The following FSD1 variants were observed in gnomAD, a reference collection of about 807,000 sequenced individuals.
FSD1 encodes fibronectin type III and SPRY domain-containing protein 1.
FSD1 carries 23 observed loss-of-function variants against 58.2 expected under a neutral mutation model. That is an observed-to-expected ratio of 0.40 (90% CI 0.28 to 0.56). The LOEUF (loss-of-function observed/expected upper bound fraction) is 0.56. FSD1 is among the 20% of genes least tolerant of loss of function. The pLI, the probability that FSD1 is intolerant of heterozygous loss-of-function variation, is 0.54. For missense variants in FSD1, 563 were observed against 670.8 expected (o/e 0.84, Z 1.78); for synonymous variants, 265 against 263.4 (o/e 1.01, Z -0.06).
chr19:4,317,946 G>C (rs1189185477), intron 8 of FSD1, among the ~76,000 whole-genome samples: 1 of 152,186 alleles, frequency 6.6e-6, no homozygotes, highest in Non-Finnish European at 1.5e-5. Context: ...GAACCCAGGA[G>C]GCGGAGGTTG....
At chr19:4,310,696 G>T (rs1469023547) in intron 6 of FSD1, 100 bp downstream of exon 6, 1 of 1,373,214 alleles carries the variant, frequency 7.3e-7, no homozygotes, top group East Asian at 2.3e-5. Flanking sequence ...ACGACCCGGT[G>T]TCTGAATTCC....
intron 3 of FSD1, among the ~76,000 whole-genome samples, chr19:4,307,390 G>A (rs1027726537): frequency 6.6e-6 from 1 of 151,470 alleles, no homozygotes; most frequent in South Asian, 2.1e-4. Flanking sequence ...TTGTTTTTGA[G>A]ATGGAGTCTC....
chr19:4,304,617 A>G lies in FSD1; in HGVS notation c.-130A>G, dbSNP rs1371121787. The stretch of plus-strand genomic sequence containing the variant: ...GCCTGCGCAATGCGCGCGGTGATGG[A>G]GCGCTAACCGGGGGCGCGGCGGCGG... On this transcript the variant is annotated 5_prime_UTR_variant, in exon 1 of 13. Transcript: ENST00000221856. 1 of 475,484 alleles carries G rather than the reference A, an allele frequency of 2.1e-6. No individual in the cohort carries two copies. The highest frequency in any genetic ancestry group is 3.3e-6 in the Non-Finnish European group (1 of 301,958). The allele number at this position is 475,484 out of a possible 1,614,324, so 29.5% of individuals were successfully genotyped here. A position where few individuals can be genotyped will look rare whatever the true frequency, so the allele number is the denominator to read the frequency against.
intron 6 of FSD1, 33 bp downstream of exon 6, chr19:4,310,629 T>G (rs1857069058): frequency 3.8e-6 from 6 of 1,598,556 alleles, no homozygotes; most frequent in Non-Finnish European, 5.1e-6. Flanking sequence ...GGCCAGGACT[T>G]CCGGGGAATG....
intron 1 of FSD1, among the ~76,000 whole-genome samples, chr19:4,305,267 T>A (rs1323788342): frequency 7.4e-6 from 1 of 135,186 alleles, no homozygotes; most frequent in Non-Finnish European, 1.6e-5. Context: ...CCCGCATCCC[T>A]GGCCCCCAGG....
At position 4,323,355 on chromosome 19, in the gene FSD1, G is replaced by A. The variant is rs1428633198; in HGVS notation, c.1299G>A (p.Leu433=). 1.2e-6 allele frequency: 2 copies of A among 1,613,318 alleles called. No individual in the cohort carries two copies. Among genetic ancestry groups the A allele is most frequent in the African/African-American group, 2.7e-5 (2 of 74,790 alleles). The change falls in exon 12 of 13, where the codon CTG becomes CTA. Residue 433 remains leucine (L), a synonymous_variant. Transcript: ENST00000221856. This position sits in a 1 kb window ranked among gnomAD's most constrained non-coding sequence, Gnocchi z 7.7. ...TCTGCCCCCCGACCCCAGGCCTCCT[G>A]TCCTTCTACAATGCCCGCACCAAAC... ...GVHCDFHQGL[L]SFYNARTKQV...
chr19:4,308,323 G>A lies in FSD1; in HGVS notation c.345+340G>A, dbSNP rs1350163467. On this transcript the variant is annotated intron_variant, in intron 4 of 12. Transcript: ENST00000221856. ...CTTGGGAGGCTGAGGCGGGAGAATCGCTTGAACCTGGGAGGCAGAGGTTGC... is the reference window on the plus strand; with the variant it reads ...CTTGGGAGGCTGAGGCGGGAGAATCACTTGAACCTGGGAGGCAGAGGTTGC... Among the ~76,000 whole-genome samples, 9 of 152,230 alleles carry A rather than the reference G, an allele frequency of 5.9e-5. No individual in the cohort carries two copies. In the East Asian group the frequency reaches 7.7e-4, roughly 13 times the overall value.
chr19:4,308,063 G>A, intron 4 of FSD1, 80 bp downstream of exon 4: 1 of 1,122,918 alleles, frequency 8.9e-7, no homozygotes. Context: ...CACATTTTTA[G>A]TGTAAGTATA....
At position 4,323,216 on chromosome 19, in the gene FSD1, G is replaced by T; in HGVS notation, c.1270G>T (p.Val424Leu). The change falls in exon 11 of 13, where the codon GTG (valine) becomes TTG (leucine). Residue 424 changes from valine to leucine, a missense_variant. By Grantham distance (32) the Val-to-Leu change is conservative. Coordinates refer to ENST00000221856, the MANE Select transcript of FSD1 (RefSeq NM_024333.3). The surrounding 1 kb of genome is among the most constrained non-coding windows in gnomAD (Gnocchi z 7.7). ...CGCCCCCGTGCCCGACTGCCTGGGT[G>T]TGCACTGTGACTTCCACCAAGGTGA... is the stretch of plus-strand genomic sequence containing the variant. ...LDAPVPDCLGVHCDFHQGLLS... is the reference protein window; with the variant it reads ...LDAPVPDCLGLHCDFHQGLLS... 6.2e-7 allele frequency: 1 copy of T among 1,605,364 alleles called. No homozygotes were observed. Among genetic ancestry groups the T allele is most frequent in the East Asian group, 2.2e-5 (1 of 44,866 alleles).
rs937300398 is a variant in FSD1 at position 4,312,062 on chromosome 19, T to C, written c.700+11T>C. 1 of 1,591,890 alleles carries C rather than the reference T, an allele frequency of 6.3e-7. No individual in the cohort carries two copies. Among genetic ancestry groups the C allele is most frequent in the African/African-American group, 1.3e-5 (1 of 74,664 alleles). On this transcript the variant is annotated intron_variant, in intron 7 of 12. Transcript: ENST00000221856. ...AGTACACCCTGACAGGTAAGGGCAGTGTGTGCCAGCTCCGCCCAGCTGTGA... is the reference window on the plus strand; with the variant it reads ...AGTACACCCTGACAGGTAAGGGCAGCGTGTGCCAGCTCCGCCCAGCTGTGA...
At chr19:4,314,428 CCCA>C (rs1280485632) in intron 7 of FSD1, among the ~76,000 whole-genome samples, 8 of 151,822 alleles carry the variant, frequency 5.3e-5, no homozygotes, top group Admixed American at 2.6e-4. Context: ...ACAGTGAGGA[CCCA>C]TGTAGTCAGC....
In FSD1 at chr19:4,307,991, CCT is replaced by C; in HGVS notation, c.345+11_345+12del. On this transcript the variant is annotated intron_variant, in intron 4 of 12. Transcript: ENST00000221856. ...AGCGAGGACTTTCCTCAGGTGGGTGCCTCTGATGCTGCCAGGTAAAGAACAGT... is the reference window on the plus strand; with the variant it reads ...AGCGAGGACTTTCCTCAGGTGGGTGCCTGATGCTGCCAGGTAAAGAACAGT... 1.9e-6 allele frequency: 3 copies of C among 1,602,956 alleles called. No individual in the cohort carries two copies. Among genetic ancestry groups the C allele is most frequent in the Non-Finnish European group, 2.6e-6 (3 of 1,171,152 alleles).
In FSD1 at chr19:4,305,740, C is replaced by T. The variant is rs932442170; in HGVS notation, c.16-206C>T. Among the ~76,000 whole-genome samples the T allele has an allele frequency of 2.2e-4, 33 of 152,172 alleles. 1 individual carries two copies. Among genetic ancestry groups the T allele is most frequent in the Admixed American group, 1.5e-3 (23 of 15,268 alleles). ...CTCTCTGGATCCCTGGAGGGGAGCGCGGGTCAGGGAGCCTGGCCAGGCTGA... is the reference window on the plus strand; with the variant it reads ...CTCTCTGGATCCCTGGAGGGGAGCGTGGGTCAGGGAGCCTGGCCAGGCTGA... On this transcript the variant is annotated intron_variant, in intron 1 of 12. Transcript: ENST00000221856.
At chr19:4,318,727 G>T (rs759528306) in intron 9 of FSD1, 145 bp from the exon 10 acceptor site, 3 of 751,570 alleles carry the variant, frequency 4.0e-6, no homozygotes, top group Non-Finnish European at 7.0e-6. Context: ...TAAACATGAG[G>T]TGCTCGATAT....
chr19:4,305,854 G>A (rs1181401831), intron 1 of FSD1, 92 bp from the exon 2 acceptor site: 3 of 889,644 alleles, frequency 3.4e-6, no homozygotes, highest in Admixed American at 1.8e-5. Context: ...GTGCATGTGT[G>A]TGCACGTGTG....
intron 1 of FSD1, 94 bp from the exon 2 acceptor site, chr19:4,305,852 G>C: frequency 1.1e-6 from 1 of 872,746 alleles, no homozygotes; most frequent in Admixed American, 1.8e-5. Context: ...GTGTGCATGT[G>C]TGTGCACGTG....
intron 10 of FSD1, among the ~76,000 whole-genome samples, chr19:4,320,372 AG>A (rs1178280680): frequency 2.0e-5 from 3 of 152,032 alleles, no homozygotes; most frequent in Non-Finnish European, 2.9e-5. Flanking sequence ...GCTGGGAACT[AG>A]GGGGAGCATC....
chr19:4,321,660 C>T (rs73534872), intron 10 of FSD1, among the ~76,000 whole-genome samples: 6,012 of 149,358 alleles, frequency 0.04, 127 homozygotes, highest in Middle Eastern at 0.11. Flanking sequence ...ATTACTGGGG[C>T]CCAAGGAGTA....
At position 4,307,747 on chromosome 19, in the gene FSD1, A is replaced by T. The variant is rs1485855353; in HGVS notation, c.244-135A>T. The T allele has an allele frequency of 2.1e-5, 13 of 616,744 alleles. No individual in the cohort carries two copies. The East Asian group carries it at 3.9e-4, about 19-fold the overall frequency. 38.2% of individuals were successfully genotyped at this position (616,744 alleles called of 1,614,324 possible). The stretch of plus-strand genomic sequence containing the variant: ...CCAGCCCCATTTGGTGGGGCGCTCA[A>T]GGCTCCAATCTCCATCTCTCACCTG... On this transcript the variant is annotated intron_variant, in intron 3 of 12. Coordinates refer to ENST00000221856, the MANE Select transcript of FSD1 (RefSeq NM_024333.3).
Sources: gnomAD v4.1 joint callset for allele counts (sites outside exome capture counted in the v4.1 genomes callset) on GRCh38, gnomAD v4.1.1 for gene constraint, Gnocchi (gnomAD v3.1) non-coding constraint, MANE v1.5 for transcripts, NCBI Gene and HGNC (gene_info 2026-07-23, HGNC 2026-07-21) for gene names.